The following ULK2 variants were observed in gnomAD, a reference collection of about 807,000 sequenced individuals.
The protein encoded by ULK2 is serine/threonine-protein kinase ULK2.
In ULK2, 76 loss-of-function variants were observed where a neutral mutation model predicts 127.5. The observed-to-expected ratio is 0.60, with a 90% confidence interval of 0.50 to 0.72. The LOEUF is 0.72. Among genes scored for constraint, ULK2 ranks in the 30% least tolerant of loss-of-function variants. The probability of loss-of-function intolerance (pLI) is 0.00; values close to 1 mark genes in which losing one functional copy is unlikely to be tolerated. For synonymous variants in ULK2, 452 were observed against 461.9 expected, an observed-to-expected ratio of 0.98 and a Z score of 0.28; for missense variants, 1,144 against 1,295.9, an observed-to-expected ratio of 0.88 and a Z score of 1.80.
At chr17:19,814,239 G>A (rs2040911128) in intron 13 of ULK2, among the ~76,000 whole-genome samples, 1 of 148,900 alleles carries the variant, frequency 6.7e-6, no homozygotes, top group Non-Finnish European at 1.5e-5. Flanking sequence ...ATTAAATGTG[G>A]AAAAAAAAAT....
chr17:19,780,711 A>G, intron 24 of ULK2, 82 bp from the exon 25 acceptor site: 4 of 1,405,758 alleles, frequency 2.8e-6, no homozygotes, highest in Non-Finnish European at 3.8e-6. Context: ...TCCTGCTGAT[A>G]TATAGGGAAG....
In ULK2 at chr17:19,820,049, A is replaced by ATTTT. The variant is rs199698459; in HGVS notation, c.925-3130_925-3129insAAAA. 4.1e-5 allele frequency among the ~76,000 whole-genome samples: 2 copies of ATTTT among 49,020 alleles called. 1 individual carries two copies. The allele number at this position is 49,020 out of a possible 152,430, so 32.2% of individuals were successfully genotyped here. ...CATTCCAATGGCTCACTGCAACTTT[A>ATTTT]TTTATTTTTTTTTTTTTTGAGATGG... On this transcript the variant is annotated intron_variant, in intron 12 of 26. Coordinates refer to ENST00000395544, the MANE Select transcript of ULK2 (RefSeq NM_014683.4).
At chr17:19,849,645 T>G in intron 4 of ULK2, 97 bp downstream of exon 4, 1 of 923,080 alleles carries the variant, frequency 1.1e-6, no homozygotes, top group Non-Finnish European at 1.6e-6. Flanking sequence ...TTCATATTAA[T>G]CAAAAAGGAT....
At chr17:19,811,974 A>T (rs1235137397) in intron 13 of ULK2, among the ~76,000 whole-genome samples, 1 of 152,220 alleles carries the variant, frequency 6.6e-6, no homozygotes, top group Non-Finnish European at 1.5e-5. Flanking sequence ...CTAAACTCAC[A>T]AGGACAAAAA....
At position 19,772,492 on chromosome 17, in the gene ULK2, T is replaced by TA. The variant is rs2086749386; in HGVS notation, c.*3856dup. 6.6e-6 allele frequency: 1 copy of TA among 152,198 alleles called. No homozygotes were observed. Among genetic ancestry groups the TA allele is most frequent in the Non-Finnish European group, 1.5e-5 (1 of 68,032 alleles). 9.4% of individuals were successfully genotyped at this position (152,198 alleles called of 1,614,324 possible). A position where few individuals can be genotyped will look rare whatever the true frequency, so the allele number is the denominator to read the frequency against. ...GAGGCCGTCTAGAAATAGGCACAGA[T>TA]ACTTCCAGGATGCATGTAACAATAC... On this transcript the variant is annotated 3_prime_UTR_variant, in exon 27 of 27. Coordinates refer to ENST00000395544, the MANE Select transcript of ULK2 (RefSeq NM_014683.4).
intron 20 of ULK2, among the ~76,000 whole-genome samples, chr17:19,790,827 C>T (rs1394700848): frequency 6.6e-6 from 1 of 152,094 alleles, no homozygotes; most frequent in Non-Finnish European, 1.5e-5. Context: ...AGATACTCCA[C>T]ACAATGGAAA....
Position 19,867,594 on chromosome 17 carries a change from C to G in ULK2, c.-177G>C. 3.2e-6 allele frequency: 1 copy of G among 315,722 alleles called. No homozygotes were observed. The highest frequency in any genetic ancestry group is 5.6e-6 in the Non-Finnish European group (1 of 180,088). 19.6% of individuals were successfully genotyped at this position (315,722 alleles called of 1,614,324 possible). A position where few individuals can be genotyped will look rare whatever the true frequency, so the allele number is the denominator to read the frequency against. On this transcript the variant is annotated 5_prime_UTR_variant, in exon 1 of 27. Coordinates refer to ENST00000395544, the MANE Select transcript of ULK2 (RefSeq NM_014683.4). ...ACCGGAGCGGAAACTGGGGAAGCTG[C>G]CGCGCGGAGCCAGGGTCAGCGAGGC...
At chr17:19,806,947 G>A (rs781505873) in intron 14 of ULK2, among the ~76,000 whole-genome samples, 16 of 152,204 alleles carry the variant, frequency 1.1e-4, no homozygotes, top group Non-Finnish European at 2.2e-4. Flanking sequence ...GTGATAGCAT[G>A]ACAACTTCTT....
Position 19,776,302 on chromosome 17 carries a change from G to C in ULK2, c.*47C>G, listed in dbSNP as rs776136896. 43 of 1,529,384 alleles carry C rather than the reference G, an allele frequency of 2.8e-5. No individual in the cohort carries two copies. Among genetic ancestry groups the C allele is most frequent in the Non-Finnish European group, 2.6e-6 (3 of 1,137,226 alleles). 94.7% of individuals were successfully genotyped at this position (1,529,384 alleles called of 1,614,324 possible). ...CAGAACTCAAGCTGTAATCCCAAAG[G>C]CATCACCTCACGTTCCCACCACCGG... On this transcript the variant is annotated 3_prime_UTR_variant, in exon 27 of 27. Coordinates refer to ENST00000395544, the MANE Select transcript of ULK2 (RefSeq NM_014683.4).
At position 19,867,598 on chromosome 17, in the gene ULK2, G is replaced by A. The variant is rs2042383629; in HGVS notation, c.-181C>T. The A allele has an allele frequency of 6.4e-6, 2 of 311,582 alleles. No homozygotes were observed. The highest frequency in any genetic ancestry group is 1.1e-5 in the Non-Finnish European group (2 of 176,990). The allele number at this position is 311,582 out of a possible 1,614,324, so 19.3% of individuals were successfully genotyped here. A position where few individuals can be genotyped will look rare whatever the true frequency, so the allele number is the denominator to read the frequency against. On this transcript the variant is annotated 5_prime_UTR_variant, in exon 1 of 27. Transcript: ENST00000395544. ...GAGCGGAAACTGGGGAAGCTGCCGC[G>A]CGGAGCCAGGGTCAGCGAGGCCCGG...
chr17:19,783,555 T>G, intron 22 of ULK2, 142 bp downstream of exon 22: 2 of 797,628 alleles, frequency 2.5e-6, no homozygotes, highest in South Asian at 4.7e-5. Flanking sequence ...TAAAAAGACA[T>G]CAGCAATACT....
At chr17:19,840,117 G>T in intron 9 of ULK2, 1 of 378,538 alleles carries the variant, frequency 2.6e-6, no homozygotes. Context: ...TGAGCTCTGG[G>T]TCACCAAGAT....
At chr17:19,863,694 T>C (rs2042292731) in intron 3 of ULK2, among the ~76,000 whole-genome samples, 1 of 151,852 alleles carries the variant, frequency 6.6e-6, no homozygotes, top group African/African-American at 2.4e-5. Context: ...TTTTTTAACA[T>C]AATATGGCCC....
In ULK2 at chr17:19,849,358, TAC is replaced by T. The variant is rs1249702670; in HGVS notation, c.295+9_295+10del. 1.2e-5 allele frequency: 20 copies of T among 1,607,416 alleles called. No individual in the cohort carries two copies. Among genetic ancestry groups the T allele is most frequent in the Admixed American group, 1.7e-5 (1 of 59,494 alleles). On this transcript the variant is annotated intron_variant, in intron 5 of 26. Transcript: ENST00000395544. ...TGTCTTTACTGAACACTGACACACATACACAGTTACCTTGCAAATAATCTGCG... is the reference window on the plus strand; with the variant it reads ...TGTCTTTACTGAACACTGACACACATACAGTTACCTTGCAAATAATCTGCG...
chr17:19,779,127 G>T (rs1315521009), intron 25 of ULK2, among the ~76,000 whole-genome samples: 1 of 152,010 alleles, frequency 6.6e-6, no homozygotes, highest in African/African-American at 2.4e-5. Context: ...ATTTTCCTAT[G>T]GTTATTTTAA....
chr17:19,863,233 CAAAT>C (rs201158308), intron 3 of ULK2, among the ~76,000 whole-genome samples: 608 of 151,646 alleles, frequency 4.0e-3, no homozygotes, highest in Non-Finnish European at 6.2e-3. Context: ...AAAAGGTTGT[CAAAT>C]GAATGAATTT....
At position 19,774,629 on chromosome 17, in the gene ULK2, T is replaced by G. The variant is rs1340578905; in HGVS notation, c.*1720A>C. The G allele has an allele frequency of 6.6e-6, 1 of 152,242 alleles. No individual in the cohort carries two copies. The highest frequency in any genetic ancestry group is 2.4e-5 in the African/African-American group (1 of 41,456). 9.4% of individuals were successfully genotyped at this position (152,242 alleles called of 1,614,324 possible). ...ATGTTCCTGGAAGCCTGCATGACAG[T>G]AGCCAAGATCTAAATCCTGGGGCAG... is the stretch of plus-strand genomic sequence containing the variant. On this transcript the variant is annotated 3_prime_UTR_variant, in exon 27 of 27. Coordinates refer to ENST00000395544, the MANE Select transcript of ULK2 (RefSeq NM_014683.4).
Position 19,822,184 on chromosome 17 carries a change from C to T in ULK2, c.924+2910G>A, listed in dbSNP as rs145847607. On this transcript the variant is annotated intron_variant, in intron 12 of 26. Transcript: ENST00000395544. ...TATTTTTAGTAGAGACAGGTTTTCA[C>T]CATGTTGGCCAGGCAGGTCTCAAAC... is the stretch of plus-strand genomic sequence containing the variant. 4.0e-5 allele frequency among the ~76,000 whole-genome samples: 6 copies of T among 151,560 alleles called. 1 individual carries two copies. The East Asian group carries it at 9.8e-4, about 25-fold the overall frequency.
chr17:19,796,064 GT>G, intron 19 of ULK2, 30 bp downstream of exon 19: 1 of 1,580,376 alleles, frequency 6.3e-7, no homozygotes, highest in Non-Finnish European at 8.6e-7. Flanking sequence ...CAGTTTTCAT[GT>G]TTAATGCTAG....
Sources: gnomAD v4.1 joint callset for allele counts (sites outside exome capture counted in the v4.1 genomes callset) on GRCh38, gnomAD v4.1.1 for gene constraint, MANE v1.5 for transcripts, NCBI Gene and HGNC (gene_info 2026-07-23, HGNC 2026-07-21) for gene names.